The following CTSB variants were observed in gnomAD, a reference collection of about 807,000 sequenced individuals.
CTSB encodes APP secretase.
Under a neutral mutation model 44.3 loss-of-function variants are expected in CTSB, and 57 were observed. The observed-to-expected ratio is 1.29, with a 90% CI of 1.04 to 1.60. The LOEUF is 1.60. Among genes scored for constraint, CTSB ranks in the 40% most tolerant of loss-of-function variants. The probability of loss-of-function intolerance (pLI) is 0.00; values close to 1 mark genes in which losing one functional copy is unlikely to be tolerated. For missense variants in CTSB, 768 were observed against 443.0 expected (o/e 1.73, Z -6.59); for synonymous variants, 320 against 168.0 (o/e 1.91, Z -7.00).
rs1285601614 is a variant in CTSB, at chr8:11,845,309, CA to C, written c.923-88del. ...CATCCTTAAAAGACCTTAAGTCACT[CA>C]TCCCTGGCCACTCCTGCTGTTGGCC... On this transcript the variant is annotated intron_variant, in intron 9 of 9. Transcript: ENST00000353047. The C allele has an allele frequency of 1.9e-5, 19 of 1,005,326 alleles. No homozygotes were observed. The East Asian group carries it at 4.9e-4, about 26-fold the overall frequency. 62.3% of individuals were successfully genotyped at this position (1,005,326 alleles called of 1,614,324 possible).
At chr8:11,846,807 T>G (rs1345405512) in intron 8 of CTSB, among the ~76,000 whole-genome samples, 1 of 151,946 alleles carries the variant, frequency 6.6e-6, no homozygotes, top group African/African-American at 2.4e-5. Context: ...GGGAAGGAAC[T>G]AGCCCAGAGG....
Position 11,845,129 on chromosome 8 carries a change from A to G in CTSB, c.1016T>C (p.Ile339Thr). The G allele has an allele frequency of 1.2e-6, 2 of 1,611,176 alleles. No homozygotes were observed. Among genetic ancestry groups the G allele is most frequent in the Non-Finnish European group, 8.5e-7 (1 of 1,177,340 alleles). The change falls in exon 10 of 10, where the codon ATC (isoleucine) becomes ACC (threonine). Residue 339 changes from isoleucine (I) to threonine (T), a missense_variant. By Grantham distance (89) the Ile-to-Thr change is moderately conservative (BLOSUM62 -1). Coordinates refer to ENST00000353047, the MANE Select transcript of CTSB (RefSeq NM_001908.5). ...IPRTDQYWEKI is the reference protein window; with the variant it reads ...IPRTDQYWEKT ...GCACGACAGGCCCACGGCAGATTAG[A>G]TCTTTTCCCAGTACTGATCGGTGCG...
rs570622356 is a variant in CTSB, at chr8:11,853,143, G to C, written c.126+186C>G. Among the ~76,000 whole-genome samples the C allele has an allele frequency of 3.3e-5, 5 of 152,092 alleles. No individual in the cohort carries two copies. The South Asian group carries it at 1.0e-3, about 32-fold the overall frequency. ...CATGCACACACACTCATGCACACACGTGGGGTATGGGACAAAGGAGGGAGG... is the reference window on the plus strand; with the variant it reads ...CATGCACACACACTCATGCACACACCTGGGGTATGGGACAAAGGAGGGAGG... On this transcript the variant is annotated intron_variant, in intron 2 of 9. Coordinates refer to ENST00000353047, the MANE Select transcript of CTSB (RefSeq NM_001908.5).
intron 1 of CTSB, among the ~76,000 whole-genome samples, chr8:11,859,114 T>TA (rs1216444177): frequency 1.3e-5 from 2 of 152,098 alleles, no homozygotes; most frequent in Admixed American, 6.5e-5. Context: ...TCTGCCCCTT[T>TA]TCCAAGCTAA....
In CTSB at chr8:11,860,722, G is replaced by C. The variant is rs1262682694; in HGVS notation, c.-25-7243C>G. 3.3e-5 allele frequency among the ~76,000 whole-genome samples: 5 copies of C among 152,366 alleles called. No individual in the cohort carries two copies. In the East Asian group the frequency reaches 9.6e-4, roughly 29 times the overall value. On this transcript the variant is annotated intron_variant, in intron 1 of 9. Transcript: ENST00000353047. ...CTGTGCCTTATAGGCCAGCAGAGCG[G>C]CTAAGAGCACGGGAACAGTGGAAAG...
chr8:11,849,311 GCTTTT>G, intron 4 of CTSB, 147 bp from the exon 5 acceptor site: 1 of 562,788 alleles, frequency 1.8e-6, no homozygotes, highest in Admixed American at 3.0e-5. Context: ...CTCAAACTCA[GCTTTT>G]ATTTTCTTTG....
At position 11,850,707 on chromosome 8, in the gene CTSB, G is replaced by A. The variant is rs73551254; in HGVS notation, c.327+159C>T. ...CACCTAATCCTCGCCATCATTCATG[G>A]CCAGAGGGATTGTGATTTTTGTACT... On this transcript the variant is annotated intron_variant, in intron 4 of 9. Transcript: ENST00000353047. The A allele has an allele frequency of 2.2e-3, 1,180 of 545,534 alleles. 9 individuals carry two copies. The highest frequency in any genetic ancestry group is 0.02 in the African/African-American group (1,075 of 52,840). 33.8% of individuals were successfully genotyped at this position (545,534 alleles called of 1,614,324 possible).
intron 1 of CTSB, among the ~76,000 whole-genome samples, chr8:11,856,907 G>A (rs1369083585): frequency 6.6e-6 from 1 of 151,892 alleles, no homozygotes; most frequent in East Asian, 1.9e-4. Flanking sequence ...TTTCTTCTAG[G>A]AAAAATAGTT....
At chr8:11,866,204 G>A (rs921048953) in intron 1 of CTSB, among the ~76,000 whole-genome samples, 3 of 152,138 alleles carry the variant, frequency 2.0e-5, no homozygotes, top group African/African-American at 7.2e-5. Flanking sequence ...TCCAGCAGCT[G>A]GGGAAAGAAA....
chr8:11,858,019 A>G (rs1411717010), intron 1 of CTSB: 1 of 152,250 alleles, frequency 6.6e-6, no homozygotes, highest in Non-Finnish European at 1.5e-5. Context: ...CACTGACTAA[A>G]TGGCACCCTT....
chr8:11,865,285 C>A (rs1471447965), intron 1 of CTSB, among the ~76,000 whole-genome samples: 1 of 152,214 alleles, frequency 6.6e-6, no homozygotes, highest in Non-Finnish European at 1.5e-5. Context: ...TGGCTCATAC[C>A]TGTAATCCCA....
At chr8:11,849,347 C>G in intron 4 of CTSB, 183 bp from the exon 5 acceptor site, 1 of 475,420 alleles carries the variant, frequency 2.1e-6, no homozygotes, top group Non-Finnish European at 3.9e-6. Context: ...GGTCTTGCTA[C>G]GTTGGCCAGA....
intron 1 of CTSB, among the ~76,000 whole-genome samples, chr8:11,866,190 C>T (rs1408214192): frequency 6.6e-6 from 1 of 152,172 alleles, no homozygotes; most frequent in African/African-American, 2.4e-5. Flanking sequence ...TTCCAACTCC[C>T]AGGTCCAGCA....
At chr8:11,846,502 AGACAGGACTTGGGGATGGG>A (rs1813370469) in intron 8 of CTSB, 1 of 152,644 alleles carries the variant, frequency 6.6e-6, no homozygotes. Context: ...GGGATTTCTA[AGACAGGACTTGGGGATGGG>A]GACTGTCCAG....
intron 7 of CTSB, 109 bp downstream of exon 7, chr8:11,847,570 T>G (rs1051018465): frequency 8.0e-7 from 1 of 1,248,354 alleles, no homozygotes; most frequent in Admixed American, 2.7e-5. Context: ...ATCCTAGAGT[T>G]CCGGGACCCC....
At chr8:11,855,493 T>C (rs1815353456) in intron 1 of CTSB, among the ~76,000 whole-genome samples, 1 of 151,826 alleles carries the variant, frequency 6.6e-6, no homozygotes, top group African/African-American at 2.4e-5. Flanking sequence ...CCCATCAATA[T>C]AGAAAATAAA....
At chr8:11,852,585 G>C (rs1013420535) in intron 3 of CTSB, 25 bp downstream of exon 3, 2 of 1,591,048 alleles carry the variant, frequency 1.3e-6, no homozygotes, top group Non-Finnish European at 1.7e-6. Context: ...TCACATTACA[G>C]CGGTGCAGAG....
intron 1 of CTSB, among the ~76,000 whole-genome samples, chr8:11,866,219 C>A (rs923349988): frequency 6.6e-6 from 1 of 152,162 alleles, no homozygotes; most frequent in Non-Finnish European, 1.5e-5. Context: ...AAGAAAAGAA[C>A]CTGCCTACAA....
chr8:11,858,850 G>C (rs139346606), intron 1 of CTSB, among the ~76,000 whole-genome samples: 1 of 152,208 alleles, frequency 6.6e-6, no homozygotes, highest in Non-Finnish European at 1.5e-5. Context: ...GCATGGGACA[G>C]CAACCCATTT....
Sources: allele counts gnomAD v4.1 joint callset (sites outside exome capture counted in the v4.1 genomes callset), GRCh38; gene constraint gnomAD v4.1.1; transcripts MANE v1.5; gene names NCBI Gene and HGNC (gene_info 2026-07-23, HGNC 2026-07-21).